CTNNA2: variants seen among roughly 807,000 people sequenced by gnomAD.
CTNNA2 encodes the protein catenin alpha 2.
Under a neutral mutation model 101.0 loss-of-function variants are expected in CTNNA2, and 42 were observed. The ratio of observed to expected loss-of-function variants is 0.42; its 90% CI spans 0.32 to 0.54. The LOEUF is 0.54. CTNNA2 is among the 20% of genes least tolerant of loss of function. CTNNA2 has a pLI of 0.14. For synonymous variants in CTNNA2, 450 were observed against 456.4 expected (o/e 0.99, Z 0.18); for missense variants, 871 against 1,223.1 (o/e 0.71, Z 4.29).
intron 4 of CTNNA2, among the ~76,000 whole-genome samples, chr2:79,413,039 T>G (rs1254260248): frequency 1.3e-5 from 2 of 152,100 alleles, no homozygotes; most frequent in Non-Finnish European, 2.9e-5. Flanking sequence ...TTGTCTTAAG[T>G]CTTTCAGCTA....
intron 1 of CTNNA2, among the ~76,000 whole-genome samples, chr2:79,538,594 AG>A (rs1673216476): frequency 1.3e-5 from 2 of 152,196 alleles, no homozygotes; most frequent in Admixed American, 6.5e-5. Context: ...AATAGCAGGT[AG>A]GGCTGGAAAT....
intron 8 of CTNNA2, among the ~76,000 whole-genome samples, chr2:80,408,748 T>C (rs1679288365): frequency 6.6e-6 from 1 of 152,100 alleles, no homozygotes; most frequent in Non-Finnish European, 1.5e-5. Flanking sequence ...GAGTGAAGAA[T>C]TGAAAGAAAA....
chr2:80,487,852 G>GTGGT (rs1440284921), intron 9 of CTNNA2, among the ~76,000 whole-genome samples: 1 of 152,194 alleles, frequency 6.6e-6, no homozygotes, highest in African/African-American at 2.4e-5. Flanking sequence ...CTACCCTAGA[G>GTGGT]TGGTTCCCTG....
intron 1 of CTNNA2, among the ~76,000 whole-genome samples, chr2:79,607,975 G>GT (rs773071127): frequency 0.021 from 3,132 of 151,568 alleles, 119 homozygotes; most frequent in African/African-American, 0.072. Context: ...ACAAAGGCAG[G>GT]TTGTTTTTTT....
chr2:80,197,512 T>G (rs1706914911), intron 7 of CTNNA2, among the ~76,000 whole-genome samples: 2 of 152,176 alleles, frequency 1.3e-5, no homozygotes, highest in African/African-American at 4.8e-5. Context: ...ATGATAAACA[T>G]GTAGTGATTT....
intron 3 of CTNNA2, among the ~76,000 whole-genome samples, chr2:79,758,404 C>G (rs986263920): frequency 1.3e-5 from 2 of 152,178 alleles, no homozygotes; most frequent in African/African-American, 4.8e-5. Context: ...AAGCGTGCTT[C>G]TAGATGTGAC....
chr2:79,656,941 T>A (rs13003014), intron 2 of CTNNA2, among the ~76,000 whole-genome samples: 25,862 of 151,782 alleles, frequency 0.17, 2,331 homozygotes, highest in African/African-American at 0.23. Context: ...AGAAGATCCC[T>A]TCCTAACAAA....
chr2:79,526,758 A>T (rs1672429317), intron 1 of CTNNA2, among the ~76,000 whole-genome samples: 1 of 152,146 alleles, frequency 6.6e-6, no homozygotes, highest in Non-Finnish European at 1.5e-5. Context: ...TGGTGCTGAG[A>T]CAACTGAATA....
chr2:80,180,310 T>C (rs1705692509), intron 7 of CTNNA2, among the ~76,000 whole-genome samples: 5 of 152,230 alleles, frequency 3.3e-5, no homozygotes. Context: ...ATTTTTATAA[T>C]TCAAATTAGT....
intron 6 of CTNNA2, among the ~76,000 whole-genome samples, chr2:79,897,434 T>C (rs1475084497): frequency 6.6e-6 from 1 of 152,122 alleles, no homozygotes; most frequent in Non-Finnish European, 1.5e-5. Context: ...ATATAAAGTA[T>C]TACATTAAAA....
At chr2:79,695,596 C>A (rs567207868) in intron 2 of CTNNA2, among the ~76,000 whole-genome samples, 86 of 152,082 alleles carry the variant, frequency 5.7e-4, no homozygotes, top group African/African-American at 2.0e-3. Flanking sequence ...GTGGAGTTTT[C>A]AGCCCTCTGT....
chr2:79,882,463 G>A (rs114093579), intron 6 of CTNNA2, among the ~76,000 whole-genome samples: 2,533 of 152,288 alleles, frequency 0.017, 65 homozygotes, highest in East Asian at 0.049. Flanking sequence ...GATGGGTCAG[G>A]CTCAGGCCTG....
At chr2:80,376,552 A>AT (rs1433023207) in intron 7 of CTNNA2, among the ~76,000 whole-genome samples, 1 of 152,162 alleles carries the variant, frequency 6.6e-6, no homozygotes, top group Non-Finnish European at 1.5e-5. Flanking sequence ...TTCTGGAGTC[A>AT]TTACAAATGA....
At chr2:79,716,231 A>G (rs1000466252) in intron 2 of CTNNA2, among the ~76,000 whole-genome samples, 2 of 152,064 alleles carry the variant, frequency 1.3e-5, no homozygotes, top group Admixed American at 6.6e-5. Flanking sequence ...TACACCAACA[A>G]TTTATTTTAA....
At chr2:79,728,694 T>G (rs979932355) in intron 2 of CTNNA2, among the ~76,000 whole-genome samples, 3 of 152,094 alleles carry the variant, frequency 2.0e-5, no homozygotes, top group Admixed American at 1.3e-4. Flanking sequence ...TCTTATAGGG[T>G]TTTTGTGGTT....
At chr2:79,429,472 TATC>T (rs1678627842) in intron 4 of CTNNA2, among the ~76,000 whole-genome samples, 1 of 152,180 alleles carries the variant, frequency 6.6e-6, no homozygotes, top group Non-Finnish European at 1.5e-5. Context: ...CCTATTATTT[TATC>T]ATCATTTTAT....
rs147444352 is a variant in CTNNA2, at chr2:80,348,193, G to A, written c.1057-45018G>A. On this transcript the variant is annotated intron_variant, in intron 7 of 18. Transcript: ENST00000402739. ...TTATTTGTGTTTTATCCACTCATAT[G>A]TTAGCTGTCTTCTTAATCACCAGAG... Among the ~76,000 whole-genome samples the A allele has an allele frequency of 7.4e-4, 113 of 152,240 alleles. 1 individual carries two copies. Among genetic ancestry groups the A allele is most frequent in the Non-Finnish European group, 1.3e-3 (88 of 68,004 alleles).
chr2:79,476,106 C>A (rs894916467), intron 4 of CTNNA2, among the ~76,000 whole-genome samples: 7 of 152,074 alleles, frequency 4.6e-5, no homozygotes, highest in African/African-American at 1.4e-4. Context: ...TCCAAGATCA[C>A]CCAGTGTCAA....
intron 7 of CTNNA2, among the ~76,000 whole-genome samples, chr2:80,209,797 G>A (rs1416491774): frequency 2.6e-5 from 4 of 152,168 alleles, no homozygotes; most frequent in African/African-American, 9.7e-5. Context: ...ACCTGAGTAA[G>A]GCTATACATG....
Sources: gnomAD v4.1 joint callset for allele counts (sites outside exome capture counted in the v4.1 genomes callset) on GRCh38, gnomAD v4.1.1 for gene constraint, MANE v1.5 for transcripts, NCBI Gene and HGNC (gene_info 2026-07-23, HGNC 2026-07-21) for gene names.